Variants in HUWE1 observed in about 807,000 individuals in gnomAD.
HUWE1 encodes HECT, UBA and WWE domain containing E3 ubiquitin protein ligase 1.
HUWE1 carries 18 observed loss-of-function variants against 299.4 expected under a neutral mutation model. That is an observed-to-expected ratio of 0.06 (90% CI 0.04 to 0.09). The LOEUF is 0.09. HUWE1 is among the 10% of genes least tolerant of loss of function. HUWE1 has a pLI of 1.00. For missense variants in HUWE1, 1,832 were observed against 3,462.3 expected, an observed-to-expected ratio of 0.53 and a Z score of 11.82; for synonymous variants, 1,317 against 1,286.1, an observed-to-expected ratio of 1.02 and a Z score of -0.51.
chrX:53,658,469 A>C (rs1294016310), intron 3 of HUWE1, among the ~76,000 whole-genome samples: 1 of 112,008 alleles, frequency 8.9e-6, no homozygotes. Context: ...AAGTCTTATC[A>C]TAAGACAACA....
At chrX:53,553,585 G>C (rs925787227) in intron 61 of HUWE1, among the ~76,000 whole-genome samples, 9 of 107,533 alleles carry the variant, frequency 8.4e-5, no homozygotes, top group Non-Finnish European at 1.7e-4. Context: ...CGAGGCGGGT[G>C]GATCACCTGA....
chrX:53,536,075 G>C (rs1188158429), intron 80 of HUWE1, 72 bp downstream of exon 80: 11 of 669,846 alleles, frequency 1.6e-5, no homozygotes, highest in East Asian at 3.3e-5. Flanking sequence ...CGCAGTGCTA[G>C]TTCTAAGGTG....
chrX:53,603,336 C>T, intron 27 of HUWE1, 32 bp downstream of exon 27: 2 of 1,199,500 alleles, frequency 1.7e-6, no homozygotes, highest in Non-Finnish European at 2.3e-6. Flanking sequence ...ACTTAGATAA[C>T]AAAGTAATAA....
chrX:53,608,619 T>C (rs955338621), intron 24 of HUWE1, among the ~76,000 whole-genome samples: 3 of 111,502 alleles, frequency 2.7e-5, no homozygotes, highest in Non-Finnish European at 5.6e-5. Flanking sequence ...TGGATTCTAA[T>C]GGAGAATGGT....
At chrX:53,563,688 T>C in intron 52 of HUWE1, 58 bp downstream of exon 52, 1 of 1,157,698 alleles carries the variant, frequency 8.6e-7, no homozygotes, top group South Asian at 1.9e-5. Context: ...AGAAAAAGGG[T>C]CCTCCCAAGA....
chrX:53,668,922 G>T (rs2069385919), intron 3 of HUWE1, among the ~76,000 whole-genome samples: 1 of 112,117 alleles, frequency 8.9e-6, no homozygotes, highest in African/African-American at 3.2e-5. Context: ...TGATGACAAT[G>T]AGATTGGGAG....
intron 3 of HUWE1, among the ~76,000 whole-genome samples, chrX:53,659,474 A>G (rs1735078034): frequency 8.9e-6 from 1 of 112,305 alleles, no homozygotes; most frequent in Non-Finnish European, 1.9e-5. Context: ...TTCCAACCAC[A>G]TGACATTCTA....
chrX:53,564,767 G>A (rs1276570358), intron 50 of HUWE1, 45 bp from the exon 51 acceptor site: 4 of 1,203,532 alleles, frequency 3.3e-6, no homozygotes, highest in Non-Finnish European at 1.1e-6. Flanking sequence ...GAGTGCCTAT[G>A]TGCTGGGCAC....
intron 4 of HUWE1, among the ~76,000 whole-genome samples, chrX:53,650,364 T>C (rs917166179): frequency 1.8e-5 from 2 of 111,918 alleles, no homozygotes; most frequent in Admixed American, 1.9e-4. Context: ...ACTAGAAACT[T>C]TCCTAATGTG....
intron 19 of HUWE1, among the ~76,000 whole-genome samples, chrX:53,620,536 G>GA: frequency 8.9e-6 from 1 of 111,902 alleles, no homozygotes; most frequent in Non-Finnish European, 1.9e-5. Flanking sequence ...GTGTGAGCCA[G>GA]TGCCTGGCCC....
chrX:53,603,524 A>G (rs1458977147), intron 26 of HUWE1, 23 bp from the exon 27 acceptor site: 3 of 1,198,890 alleles, frequency 2.5e-6, no homozygotes, highest in Non-Finnish European at 3.4e-6. Flanking sequence ...CAAGAATTTC[A>G]CCTTTGGGAT....
intron 49 of HUWE1, 34 bp from the exon 50 acceptor site, chrX:53,565,273 C>T: frequency 9.0e-7 from 1 of 1,107,262 alleles, no homozygotes; most frequent in Non-Finnish European, 1.2e-6. Flanking sequence ...ATGGACTGAG[C>T]ACAGAAATAC....
At chrX:53,555,327 ACT>A (rs782069022) in intron 60 of HUWE1, among the ~76,000 whole-genome samples, 3 of 110,687 alleles carry the variant, frequency 2.7e-5, no homozygotes, top group Non-Finnish European at 3.8e-5. Flanking sequence ...TTCGTTCAAA[ACT>A]CTATTTGTTT....
intron 78 of HUWE1, chrX:53,537,352 T>C (rs1777049876): frequency 2.2e-6 from 1 of 460,583 alleles, no homozygotes; most frequent in Admixed American, 3.5e-5. Flanking sequence ...AATTGTTGGG[T>C]AGCTTAGCTA....
intron 28 of HUWE1, 143 bp from the exon 29 acceptor site, chrX:53,600,452 G>A (rs2064761020): frequency 4.2e-6 from 2 of 477,495 alleles, no homozygotes; most frequent in African/African-American, 2.4e-5. Context: ...ACAAAAACAC[G>A]ACCCAAATAT....
intron 61 of HUWE1, 102 bp downstream of exon 61, chrX:53,554,531 A>G: frequency 2.4e-6 from 2 of 841,342 alleles, no homozygotes; most frequent in Non-Finnish European, 3.5e-6. Flanking sequence ...TGAGAAGTTG[A>G]ACTCCTACTA....
rs781946553 is a variant in HUWE1, at chrX:53,575,197, C to T, written c.6055G>A (p.Ala2019Thr). The part of the protein sequence containing the change: ...INSQVFAADG[A>T]STETSASGTS... ...CCAGATGCGGAAGTCTCAGTGGAGG[C>T]ACCATCTGCAGCAAAGACCTGACTC... The change falls in exon 46 of 84, where the codon GCC (alanine) becomes ACC (threonine). Residue 2019 changes from alanine to threonine, a missense_variant. Physicochemically the swap from Ala to Thr is moderately conservative, Grantham distance 58. Transcript: ENST00000262854. 32 of 1,204,006 alleles carry T rather than the reference C, an allele frequency of 2.7e-5. No homozygotes were observed. Among genetic ancestry groups the T allele is most frequent in the Middle Eastern group, 2.3e-4 (1 of 4,361 alleles).
intron 61 of HUWE1, 77 bp from the exon 62 acceptor site, chrX:53,552,970 G>A: frequency 9.2e-7 from 1 of 1,091,351 alleles, no homozygotes; most frequent in Non-Finnish European, 1.3e-6. Context: ...CTTTGATAGG[G>A]CTGCTTCCTT....
chrX:53,678,190 G>C (rs782054923), intron 3 of HUWE1, among the ~76,000 whole-genome samples: 3 of 111,899 alleles, frequency 2.7e-5, no homozygotes, highest in African/African-American at 9.7e-5. Flanking sequence ...CTTTTAAAGA[G>C]AACTTAAAAG....
Sources: allele counts gnomAD v4.1 joint callset (sites outside exome capture counted in the v4.1 genomes callset), GRCh38; gene constraint gnomAD v4.1.1; transcripts MANE v1.5; gene names NCBI Gene and HGNC (gene_info 2026-07-23, HGNC 2026-07-21).